Variants in MERTK observed in about 807,000 individuals in gnomAD.
MERTK encodes tyrosine-protein kinase Mer.
In MERTK, 69 loss-of-function variants were observed where a neutral mutation model predicts 99.3. The observed-to-expected ratio is 0.70, with a 90% confidence interval of 0.57 to 0.85. The LOEUF (loss-of-function observed/expected upper bound fraction) is 0.85. Among genes scored for constraint, MERTK ranks in the 40% least tolerant of loss-of-function variants. The pLI is 0.00. For synonymous variants in MERTK, 426 were observed against 467.6 expected (o/e 0.91, Z 1.15); for missense variants, 1,125 against 1,249.4 (o/e 0.90, Z 1.50).
intron 16 of MERTK, among the ~76,000 whole-genome samples, chr2:112,021,177 G>A (rs1677338699): frequency 2.0e-5 from 3 of 152,076 alleles, no homozygotes; most frequent in African/African-American, 7.2e-5. Context: ...ACCAGCCTGG[G>A]TGACAGGGTG....
chr2:112,028,125 C>T, intron 18 of MERTK: 1 of 588,332 alleles, frequency 1.7e-6, no homozygotes, highest in East Asian at 2.9e-5. Context: ...ATAACTGCCA[C>T]ATATGTGCTC....
At chr2:111,981,135 G>A (rs551741543) in intron 7 of MERTK, among the ~76,000 whole-genome samples, 38 of 152,238 alleles carry the variant, frequency 2.5e-4, no homozygotes, top group African/African-American at 8.9e-4. Flanking sequence ...TCTGGAATCA[G>A]CAGAGAAAAA....
intron 15 of MERTK, chr2:112,013,402 C>T (rs1176582004): frequency 6.5e-6 from 1 of 154,358 alleles, no homozygotes; most frequent in East Asian, 1.9e-4. Context: ...ATTCCCAACA[C>T]CTTAGTACAA....
intron 4 of MERTK, among the ~76,000 whole-genome samples, chr2:111,963,967 A>T (rs971580664): frequency 1.3e-5 from 2 of 150,486 alleles, no homozygotes; most frequent in Non-Finnish European, 2.9e-5. Context: ...CCAAGGGTAC[A>T]TTCTGTCAAC....
In MERTK at chr2:111,984,747, T is replaced by TC. The variant is rs558879528; in HGVS notation, c.1296+1754_1296+1755insC. Among the ~76,000 whole-genome samples the TC allele has an allele frequency of 1.2e-4, 18 of 152,334 alleles. No homozygotes were observed. In the East Asian group the frequency reaches 2.9e-3, roughly 24 times the overall value. The stretch of plus-strand genomic sequence containing the variant: ...AATAATTACATTGAGTTTGCTGATA[T>TC]AAGTAACCTTCTAACCTGCCTTCTT... On this transcript the variant is annotated intron_variant, in intron 8 of 18. Transcript: ENST00000295408.
At chr2:112,024,319 G>T (rs191290271) in intron 18 of MERTK, among the ~76,000 whole-genome samples, 21 of 152,352 alleles carry the variant, frequency 1.4e-4, no homozygotes, top group Admixed American at 1.3e-3. Context: ...CAGGGTCTAA[G>T]CTGTGTCACG....
At chr2:111,910,352 T>G (rs1684219710) in intron 1 of MERTK, among the ~76,000 whole-genome samples, 1 of 151,644 alleles carries the variant, frequency 6.6e-6, no homozygotes, top group Admixed American at 6.6e-5. Flanking sequence ...TCACTGCAAC[T>G]TCTGCCTCCT....
At chr2:111,950,655 TA>T (rs1451782301) in intron 4 of MERTK, among the ~76,000 whole-genome samples, 1 of 152,238 alleles carries the variant, frequency 6.6e-6, no homozygotes, top group Non-Finnish European at 1.5e-5. Flanking sequence ...CCCTGATGTC[TA>T]ATTTTAGACA....
rs777568948 is a variant in MERTK at position 111,982,989 on chromosome 2, T to G, written c.1292T>G (p.Ile431Ser). Residue 431 changes from isoleucine (I) to serine (S), a missense_variant, in exon 8 of 19, where the codon ATT (isoleucine) becomes AGT (serine). Physicochemically the swap from Ile to Ser is moderately radical, Grantham distance 142. Coordinates refer to ENST00000295408, the MANE Select transcript of MERTK (RefSeq NM_006343.3). ...TCCCACGTGTGGCAGAGTGCAGGGA[T>G]TTCCGTAAGTCTAAACCCTAGAAGA... ...RISHVWQSAG[I>S]SKELLEEVGQ... is the part of the protein sequence containing the mutation. The G allele has an allele frequency of 6.2e-7, 1 of 1,613,216 alleles. No individual in the cohort carries two copies. The highest frequency in any genetic ancestry group is 8.5e-7 in the Non-Finnish European group (1 of 1,179,800).
chr2:112,022,666 A>C (rs934030971), intron 18 of MERTK: 5 of 682,848 alleles, frequency 7.3e-6, no homozygotes, highest in African/African-American at 1.7e-5. Flanking sequence ...AGGCAATGGC[A>C]CCTGTCCTAA....
chr2:112,002,186 C>T (rs901428194), intron 11 of MERTK, among the ~76,000 whole-genome samples: 2 of 152,004 alleles, frequency 1.3e-5, no homozygotes, highest in African/African-American at 4.8e-5. Context: ...TTGTTGCCAA[C>T]ATGACTCATC....
In MERTK at chr2:112,019,530, T is replaced by C; in HGVS notation, c.2189+8T>C. The C allele has an allele frequency of 6.3e-7, 1 of 1,586,766 alleles. No individual in the cohort carries two copies. The highest frequency in any genetic ancestry group is 1.1e-5 in the South Asian group (1 of 90,512). On this transcript the variant is annotated splice_region_variant and intron_variant, in intron 16 of 18. Transcript: ENST00000295408. ...AGCTGCTCGAAACTGCATGTAAGAG[T>C]CCTCGGCTATCCTGGAAGGGTTTGG...
intron 1 of MERTK, among the ~76,000 whole-genome samples, chr2:111,906,028 T>C (rs1684130697): frequency 6.6e-6 from 1 of 152,126 alleles, no homozygotes; most frequent in African/African-American, 2.4e-5. Context: ...AATGCCTGGA[T>C]TTTTTTGCCA....
At chr2:111,901,735 TG>T (rs1684047929) in intron 1 of MERTK, among the ~76,000 whole-genome samples, 1 of 150,324 alleles carries the variant, frequency 6.7e-6, no homozygotes. Context: ...TTTTATTTTT[TG>T]TAGAGACAGG....
chr2:111,982,899 T>C lies in MERTK; in HGVS notation c.1202T>C (p.Val401Ala). ...TTTCTGAATGAATCTAGTGATAATG[T>C]GGACATCAGATGGATGAAGCCTCCG... is the stretch of plus-strand genomic sequence containing the variant. ...TVFLNESSDN[V>A]DIRWMKPPTK... Residue 401 changes from valine (V) to alanine (A), a missense_variant, in exon 8 of 19, where the codon GTG becomes GCG. By Grantham distance (64) the Val-to-Ala change is moderately conservative. Transcript: ENST00000295408. 6.2e-7 allele frequency: 1 copy of C among 1,614,160 alleles called. No homozygotes were observed. The highest frequency in any genetic ancestry group is 8.5e-7 in the Non-Finnish European group (1 of 1,180,014).
intron 7 of MERTK, among the ~76,000 whole-genome samples, chr2:111,977,092 A>G (rs949846158): frequency 6.6e-6 from 1 of 152,180 alleles, no homozygotes; most frequent in African/African-American, 2.4e-5. Context: ...ATGTTTATGC[A>G]TTATAGTTAC....
chr2:112,027,322 A>G (rs1232116073), intron 18 of MERTK, among the ~76,000 whole-genome samples: 2 of 151,486 alleles, frequency 1.3e-5, no homozygotes, highest in African/African-American at 4.8e-5. Context: ...ATATATATAC[A>G]CACACATATG....
intron 2 of MERTK, among the ~76,000 whole-genome samples, chr2:111,931,734 C>A (rs1684676204): frequency 6.6e-6 from 1 of 151,648 alleles, no homozygotes; most frequent in African/African-American, 2.4e-5. Flanking sequence ...TTAAAGATTT[C>A]AAGAACAGCA....
chr2:111,940,829 G>A lies in MERTK; in HGVS notation c.483-4131G>A, dbSNP rs116970936. 2.2e-5 allele frequency: 21 copies of A among 964,840 alleles called. No individual in the cohort carries two copies. In the East Asian group the frequency reaches 2.5e-4, roughly 11 times the overall value. The allele number at this position is 964,840 out of a possible 1,614,324, so 59.8% of individuals were successfully genotyped here. A position where few individuals can be genotyped will look rare whatever the true frequency, so the allele number is the denominator to read the frequency against. ...TCTTGTCGATCTTGAATCTTTAAAC[G>A]ACAGTTAACATCTCTGAGATACTTT... On this transcript the variant is annotated intron_variant, in intron 2 of 18. Coordinates refer to ENST00000295408, the MANE Select transcript of MERTK (RefSeq NM_006343.3).
Sources: allele counts gnomAD v4.1 joint callset (sites outside exome capture counted in the v4.1 genomes callset), GRCh38; gene constraint gnomAD v4.1.1; transcripts MANE v1.5; gene names NCBI Gene and HGNC (gene_info 2026-07-23, HGNC 2026-07-21).